Variants in PRKAG1 observed in about 807,000 individuals in gnomAD.
PRKAG1 encodes protein kinase AMP-activated non-catalytic subunit gamma 1.
Under a neutral mutation model 48.2 loss-of-function variants are expected in PRKAG1, and 27 were observed. That is an observed-to-expected ratio of 0.56 (90% CI 0.41 to 0.77). The LOEUF (loss-of-function observed/expected upper bound fraction) is 0.77. PRKAG1 is among the 30% of genes least tolerant of loss of function. The probability of loss-of-function intolerance (pLI) is 0.00; values close to 1 mark genes in which losing one functional copy is unlikely to be tolerated. For synonymous variants in PRKAG1, 130 were observed against 147.7 expected, an observed-to-expected ratio of 0.88 and a Z score of 0.87; for missense variants, 287 against 398.3, an observed-to-expected ratio of 0.72 and a Z score of 2.38.
chr12:49,005,866 G>C lies in PRKAG1; in HGVS notation c.59-14C>G. On this transcript the variant is annotated splice_polypyrimidine_tract_variant and intron_variant, in intron 2 of 11. Transcript: ENST00000548065. The surrounding 1 kb of genome is among the most constrained non-coding windows in gnomAD (Gnocchi z 4.1). Reference sequence around the variant, plus strand: ...ATTCTGGGGTCTCTGCATAGGGTGGGATAGTTAGTAGCTTCCTTCCACATA... The same window carrying C: ...ATTCTGGGGTCTCTGCATAGGGTGGCATAGTTAGTAGCTTCCTTCCACATA... The C allele has an allele frequency of 6.5e-7, 1 of 1,546,110 alleles. No homozygotes were observed. The highest frequency in any genetic ancestry group is 8.8e-7 in the Non-Finnish European group (1 of 1,141,472).
chr12:49,008,828 CCT>C (rs1346477308), intron 2 of PRKAG1, among the ~76,000 whole-genome samples: 13 of 152,082 alleles, frequency 8.5e-5, no homozygotes, highest in Admixed American at 3.9e-4. Flanking sequence ...ACTTTTTTTT[CCT>C]CTCTCTGAAA....
At chr12:49,013,164 T>C (rs748844131) in intron 1 of PRKAG1, 54 bp from the exon 2 acceptor site, 142 of 1,481,814 alleles carry the variant, frequency 9.6e-5, no homozygotes, top group Non-Finnish European at 1.3e-4. Context: ...CATTTTAGCC[T>C]AGCAACATTA....
At position 49,002,989 on chromosome 12, in the gene PRKAG1, CACT is replaced by C; in HGVS notation, c.903_905del (p.Val303del). The C allele has an allele frequency of 3.7e-6, 6 of 1,614,200 alleles. No individual in the cohort carries two copies. Among genetic ancestry groups the C allele is most frequent in the Non-Finnish European group, 3.4e-6 (4 of 1,180,030 alleles). ...CCTTGACCACATCATTTTCATCCACCACTACAAGTCGGTGAACCTGGCACAGAG... is the reference window on the plus strand; with the variant it reads ...CCTTGACCACATCATTTTCATCCACCACAAGTCGGTGAACCTGGCACAGAG... On this transcript the variant is annotated inframe_deletion, in exon 12 of 12. Transcript: ENST00000548065.
chr12:49,004,754 G>A, intron 7 of PRKAG1, 121 bp from the exon 8 acceptor site: 1 of 1,471,510 alleles, frequency 6.8e-7, no homozygotes, highest in Non-Finnish European at 9.4e-7. Flanking sequence ...GCAGTGTACA[G>A]GCCAGACTTA....
intron 2 of PRKAG1, among the ~76,000 whole-genome samples, chr12:49,009,000 ATTTC>A (rs1368250682): frequency 2.7e-5 from 4 of 148,288 alleles, no homozygotes; most frequent in Non-Finnish European, 4.5e-5. Flanking sequence ...TTCCTCAATT[ATTTC>A]CTTCCCTCTG....
In PRKAG1 at chr12:49,011,567, T is replaced by C. The variant is rs1941763316; in HGVS notation, c.58+1495A>G. On this transcript the variant is annotated intron_variant, in intron 2 of 11. Coordinates refer to ENST00000548065, the MANE Select transcript of PRKAG1 (RefSeq NM_002733.5). ...AGATAGTTGTCGCCTTTTTTTTTTT[T>C]TGAGACGGAGTTTCACTTTTGTTGC... Among the ~76,000 whole-genome samples, 6 of 151,802 alleles carry C rather than the reference T, an allele frequency of 4.0e-5. No homozygotes were observed. In the South Asian group the frequency reaches 1.3e-3, roughly 32 times the overall value.
chr12:49,004,153 G>A (rs1592270970), intron 8 of PRKAG1: 1 of 565,954 alleles, frequency 1.8e-6, no homozygotes, highest in South Asian at 2.6e-5. Flanking sequence ...TTAGCCAGGT[G>A]TGGTGGTACA....
intron 1 of PRKAG1, chr12:49,017,179 A>G: frequency 2.2e-6 from 1 of 455,778 alleles, no homozygotes; most frequent in South Asian, 1.5e-5. Context: ...TAGGCTGAAC[A>G]TTTTCAAAGC....
At position 49,018,768 on chromosome 12, in the gene PRKAG1, C is replaced by A; in HGVS notation, c.-28G>T. ...CAAGAGGCGCCCGGCTTGGTTTCCTCGCTTTAGGAAACTCTCTTGGGGCAG... is the reference window on the plus strand; with the variant it reads ...CAAGAGGCGCCCGGCTTGGTTTCCTAGCTTTAGGAAACTCTCTTGGGGCAG... On this transcript the variant is annotated 5_prime_UTR_variant, in exon 1 of 12. Coordinates refer to ENST00000548065, the MANE Select transcript of PRKAG1 (RefSeq NM_002733.5). 1 of 1,612,346 alleles carries A rather than the reference C, an allele frequency of 6.2e-7. No individual in the cohort carries two copies. Among genetic ancestry groups the A allele is most frequent in the Non-Finnish European group, 8.5e-7 (1 of 1,179,914 alleles).
At chr12:49,018,550 T>C in intron 1 of PRKAG1, 182 bp downstream of exon 1, 1 of 1,467,292 alleles carries the variant, frequency 6.8e-7, no homozygotes, top group Non-Finnish European at 9.0e-7. Context: ...CGCGGCCCAG[T>C]TCCAGGAGAT....
At position 49,004,546 on chromosome 12, in the gene PRKAG1, G is replaced by T. The variant is rs374288682; in HGVS notation, c.498C>A (p.Ile166=). ...IDPESGNTLY[I]LTHKRILKFL... is the part of the protein sequence containing the mutation. ...ACTTCAGAATGCGCTTGTGGGTGAG[G>T]ATGTACAAAGTATTGCCTGATTCTG... is the stretch of plus-strand genomic sequence containing the variant. Residue 166 remains isoleucine, a synonymous_variant, in exon 8 of 12, where the codon ATC becomes ATA. Coordinates refer to ENST00000548065, the MANE Select transcript of PRKAG1 (RefSeq NM_002733.5). 1.9e-6 allele frequency: 3 copies of T among 1,614,020 alleles called. No homozygotes were observed. The African/African-American group carries it at 4.0e-5, about 22-fold the overall frequency.
intron 2 of PRKAG1, among the ~76,000 whole-genome samples, chr12:49,009,767 C>T (rs1037910127): frequency 6.6e-6 from 1 of 152,056 alleles, no homozygotes; most frequent in Admixed American, 6.6e-5. Context: ...TACATGCCAC[C>T]ATGCCCAGCT....
In PRKAG1 at chr12:49,004,493, T is replaced by C; in HGVS notation, c.537+14A>G. 1 of 1,613,238 alleles carries C rather than the reference T, an allele frequency of 6.2e-7. No homozygotes were observed. Among genetic ancestry groups the C allele is most frequent in the Non-Finnish European group, 8.5e-7 (1 of 1,179,368 alleles). On this transcript the variant is annotated intron_variant, in intron 8 of 11. Coordinates refer to ENST00000548065, the MANE Select transcript of PRKAG1 (RefSeq NM_002733.5). Reference sequence around the variant, plus strand: ...GAAAAAAGAGAAAAAAGAACTGGGCTGAGGAGCACTTACAAACAATTTGAG... The same window carrying C: ...GAAAAAAGAGAAAAAAGAACTGGGCCGAGGAGCACTTACAAACAATTTGAG...
At chr12:49,015,676 G>A (rs1160286289) in intron 1 of PRKAG1, among the ~76,000 whole-genome samples, 2 of 152,084 alleles carry the variant, frequency 1.3e-5, no homozygotes, top group Admixed American at 6.5e-5. Context: ...GGGTTCAAGC[G>A]ATTCTCCTGC....
chr12:49,002,477 G>A lies in PRKAG1; in HGVS notation c.*422C>T. On this transcript the variant is annotated 3_prime_UTR_variant, in exon 12 of 12. Coordinates refer to ENST00000548065, the MANE Select transcript of PRKAG1 (RefSeq NM_002733.5). Reference sequence around the variant, plus strand: ...AAATGGACTTGGCCTCCTCCATATAGCACGGAACAGGTGAATAAAAATATC... The same window carrying A: ...AAATGGACTTGGCCTCCTCCATATAACACGGAACAGGTGAATAAAAATATC... 3.1e-6 allele frequency: 1 copy of A among 322,822 alleles called. No homozygotes were observed. Among genetic ancestry groups the A allele is most frequent in the South Asian group, 2.6e-5 (1 of 38,460 alleles). 20.0% of individuals were successfully genotyped at this position (322,822 alleles called of 1,614,324 possible). A position where few individuals can be genotyped will look rare whatever the true frequency, so the allele number is the denominator to read the frequency against.
chr12:49,008,191 A>T (rs1397318351), intron 2 of PRKAG1, among the ~76,000 whole-genome samples: 1 of 152,192 alleles, frequency 6.6e-6, no homozygotes, highest in Non-Finnish European at 1.5e-5. Flanking sequence ...AATATTTATT[A>T]TTCAGAGATA....
chr12:49,015,896 T>C (rs1334794008), intron 1 of PRKAG1, among the ~76,000 whole-genome samples: 3 of 151,320 alleles, frequency 2.0e-5, no homozygotes, highest in Non-Finnish European at 4.4e-5. Flanking sequence ...ACTTTCTGCC[T>C]GTTTCACCAT....
At chr12:49,007,914 C>T (rs1277646212) in intron 2 of PRKAG1, among the ~76,000 whole-genome samples, 2 of 148,448 alleles carry the variant, frequency 1.3e-5, no homozygotes, top group Admixed American at 6.8e-5. Context: ...GGCTGAAGTG[C>T]AGTGGCACGA....
At position 49,018,717 on chromosome 12, in the gene PRKAG1, T is replaced by C. The variant is rs1942119732; in HGVS notation, c.9+15A>G. 1 of 1,613,354 alleles carries C rather than the reference T, an allele frequency of 6.2e-7. No individual in the cohort carries two copies. Among genetic ancestry groups the C allele is most frequent in the Non-Finnish European group, 8.5e-7 (1 of 1,179,986 alleles). ...GGCTCCACAGCGCCCCCGACCGCCC[T>C]CCTGCACTCCTCACCGTCTCCATTG... is the stretch of plus-strand genomic sequence containing the variant. On this transcript the variant is annotated intron_variant, in intron 1 of 11. Coordinates refer to ENST00000548065, the MANE Select transcript of PRKAG1 (RefSeq NM_002733.5).
Sources: gnomAD v4.1 joint callset for allele counts (sites outside exome capture counted in the v4.1 genomes callset) on GRCh38, gnomAD v4.1.1 for gene constraint, Gnocchi (gnomAD v3.1) non-coding constraint, MANE v1.5 for transcripts, NCBI Gene and HGNC (gene_info 2026-07-23, HGNC 2026-07-21) for gene names.